The following IQUB variants were observed in gnomAD, a reference collection of about 807,000 sequenced individuals.
IQUB encodes the protein IQ motif and ubiquitin-like domain-containing protein.
In IQUB, 86 loss-of-function variants were observed where a neutral mutation model predicts 86.4. That is an observed-to-expected ratio of 1.00 (90% CI 0.84 to 1.19). The LOEUF (loss-of-function observed/expected upper bound fraction) is 1.19. Ranked by LOEUF, IQUB falls within the 50% of genes most tolerant of loss-of-function variation. IQUB has a pLI of 0.00. For synonymous variants in IQUB, 289 were observed against 304.5 expected, an observed-to-expected ratio of 0.95 and a Z score of 0.53; for missense variants, 946 against 916.9, an observed-to-expected ratio of 1.03 and a Z score of -0.41.
rs1584617437 is a variant in IQUB, at chr7:123,503,257, T to A, written c.639A>T (p.Arg213Ser). 1.9e-6 allele frequency: 3 copies of A among 1,611,440 alleles called. No individual in the cohort carries two copies. Among genetic ancestry groups the A allele is most frequent in the Non-Finnish European group, 2.5e-6 (3 of 1,177,922 alleles). The change falls in exon 4 of 13, where the codon AGA (arginine) becomes AGT (serine). Residue 213 changes from arginine (R) to serine (S), a missense_variant. By Grantham distance (110) the Arg-to-Ser change is moderately radical. Transcript: ENST00000324698. ...FSTNPDLYPVRRIDGLTDVSQ... is the reference protein window; with the variant it reads ...FSTNPDLYPVSRIDGLTDVSQ... ...AGACATCAGTTAATCCATCTATTCT[T>A]CTGACTGGATACAGATCTGGATTTG... is the stretch of plus-strand genomic sequence containing the variant.
intron 3 of IQUB, among the ~76,000 whole-genome samples, chr7:123,507,570 A>G (rs777772274): frequency 1.6e-4 from 24 of 152,124 alleles, no homozygotes; most frequent in Non-Finnish European, 2.6e-4. Flanking sequence ...TTCACACCCT[A>G]AATTCTTCAG....
intron 12 of IQUB, among the ~76,000 whole-genome samples, chr7:123,454,613 A>T (rs1793606617): frequency 6.6e-6 from 1 of 152,096 alleles, no homozygotes; most frequent in African/African-American, 2.4e-5. Flanking sequence ...ATTCTCTTGA[A>T]ATAGCCATGT....
intron 9 of IQUB, 22 bp downstream of exon 9, chr7:123,469,192 A>C (rs778668638): frequency 4.9e-6 from 7 of 1,442,724 alleles, no homozygotes; most frequent in Non-Finnish European, 6.4e-6. Flanking sequence ...TCTACCCCCA[A>C]ACTAAGAGAA....
At chr7:123,473,737 G>C (rs966991809) in intron 8 of IQUB, among the ~76,000 whole-genome samples, 1 of 145,318 alleles carries the variant, frequency 6.9e-6, no homozygotes, top group African/African-American at 2.5e-5. Context: ...CACAATGCCC[G>C]GCTAATTTTT....
chr7:123,504,011 A>T (rs1796064003), intron 3 of IQUB, among the ~76,000 whole-genome samples: 1 of 152,124 alleles, frequency 6.6e-6, no homozygotes, highest in African/African-American at 2.4e-5. Context: ...TCATTCTATT[A>T]AAAAAACGCA....
At chr7:123,522,678 A>C (rs1436380779) in intron 1 of IQUB, among the ~76,000 whole-genome samples, 1 of 152,142 alleles carries the variant, frequency 6.6e-6, no homozygotes, top group Non-Finnish European at 1.5e-5. Context: ...TTACATAATT[A>C]CTCGTTTTAT....
intron 1 of IQUB, among the ~76,000 whole-genome samples, chr7:123,530,822 A>AC (rs1322376868): frequency 2.0e-5 from 3 of 151,304 alleles, no homozygotes; most frequent in Admixed American, 1.3e-4. Context: ...GATTATAGGC[A>AC]CCCCCCACCA....
At chr7:123,524,018 A>ACAG (rs1428080124) in intron 1 of IQUB, among the ~76,000 whole-genome samples, 14 of 150,210 alleles carry the variant, frequency 9.3e-5, no homozygotes, top group African/African-American at 2.7e-4. Context: ...AGTTGTAGAT[A>ACAG]TGCGGCATTA....
At chr7:123,526,508 C>G (rs1401772358) in intron 1 of IQUB, among the ~76,000 whole-genome samples, 2 of 151,978 alleles carry the variant, frequency 1.3e-5, no homozygotes, top group African/African-American at 4.8e-5. Context: ...TTATCAGAGA[C>G]TAGGATTGCA....
intron 12 of IQUB, among the ~76,000 whole-genome samples, chr7:123,455,924 C>T (rs1163224123): frequency 3.3e-5 from 5 of 152,030 alleles, no homozygotes; most frequent in South Asian, 4.1e-4. Context: ...TGTTTTTCCA[C>T]GTTTCCTATA....
At chr7:123,486,263 T>C (rs1795208988) in intron 7 of IQUB, among the ~76,000 whole-genome samples, 1 of 152,154 alleles carries the variant, frequency 6.6e-6, no homozygotes, top group Admixed American at 6.5e-5. Flanking sequence ...ACAGTGATAA[T>C]AATGCTTTCC....
chr7:123,478,839 G>A (rs1193941459), intron 8 of IQUB, among the ~76,000 whole-genome samples: 1 of 152,078 alleles, frequency 6.6e-6, no homozygotes, highest in East Asian at 1.9e-4. Context: ...TAAGGTGATA[G>A]GACTTAGGGT....
Position 123,463,678 on chromosome 7 carries a change from C to CTGAT in IQUB, c.1758+1151_1758+1154dup, listed in dbSNP as rs112834812. Among the ~76,000 whole-genome samples, 1,393 of 151,796 alleles carry CTGAT rather than the reference C, an allele frequency of 9.2e-3. 15 individuals carry two copies. The highest frequency in any genetic ancestry group is 0.048 in the South Asian group (231 of 4,830). The stretch of plus-strand genomic sequence containing the variant: ...TGGCAGCATGAGAGAATTCTGGGGG[C>CTGAT]TGATAGGACCATTTCTTATTTTGAC... On this transcript the variant is annotated intron_variant, in intron 10 of 12. Transcript: ENST00000324698.
chr7:123,527,770 T>C (rs1353988707), intron 1 of IQUB, among the ~76,000 whole-genome samples: 2 of 152,102 alleles, frequency 1.3e-5, no homozygotes, highest in Admixed American at 1.3e-4. Flanking sequence ...GTCTTTTTGT[T>C]TGTCTGTGCC....
chr7:123,469,200 G>T lies in IQUB; in HGVS notation c.1581+14C>A, dbSNP rs771969806. 1 of 1,451,774 alleles carries T rather than the reference G, an allele frequency of 6.9e-7. No individual in the cohort carries two copies. Among genetic ancestry groups the T allele is most frequent in the South Asian group, 1.6e-5 (1 of 61,866 alleles). The allele number at this position is 1,451,774 out of a possible 1,614,324, so 89.9% of individuals were successfully genotyped here. On this transcript the variant is annotated intron_variant, in intron 9 of 12. Coordinates refer to ENST00000324698, the MANE Select transcript of IQUB (RefSeq NM_178827.5). ...AGTGAACTCTACCCCCAAACTAAGAGAAAGTTAACATACCTTTACAGTGTG... is the reference window on the plus strand; with the variant it reads ...AGTGAACTCTACCCCCAAACTAAGATAAAGTTAACATACCTTTACAGTGTG...
chr7:123,533,731 AT>A (rs550514236), intron 1 of IQUB, among the ~76,000 whole-genome samples: 1 of 152,248 alleles, frequency 6.6e-6, no homozygotes, highest in Non-Finnish European at 1.5e-5. Context: ...GTGTAACTAC[AT>A]ATTTGCGTAT....
At position 123,510,017 on chromosome 7, in the gene IQUB, G is replaced by A; in HGVS notation, c.416C>T (p.Pro139Leu). Residue 139 changes from proline (P) to leucine (L), a missense_variant, in exon 3 of 13, where the codon CCA (proline) becomes CTA (leucine). Coordinates refer to ENST00000324698, the MANE Select transcript of IQUB (RefSeq NM_178827.5). The stretch of plus-strand genomic sequence containing the variant: ...AGGTATTACAATTTCCTGGCCCACT[G>A]GAATAAGTACAACTTTTACTGTAAA... ...SLATVKVVLI[P>L]VGQEIVIPFK... 6.4e-7 allele frequency: 1 copy of A among 1,568,878 alleles called. No homozygotes were observed. The highest frequency in any genetic ancestry group is 8.7e-7 in the Non-Finnish European group (1 of 1,149,678).
intron 1 of IQUB, among the ~76,000 whole-genome samples, chr7:123,527,621 C>A (rs1797304142): frequency 6.8e-6 from 1 of 147,328 alleles, no homozygotes; most frequent in African/African-American, 2.7e-5. Context: ...CCCAGTTAGG[C>A]TGCTCGGGGG....
chr7:123,472,200 T>C (rs1794552509), intron 8 of IQUB, among the ~76,000 whole-genome samples: 1 of 147,948 alleles, frequency 6.8e-6, no homozygotes, highest in Non-Finnish European at 1.5e-5. Context: ...TCTGCACCAC[T>C]GCACTCCAGC....
Sources: gnomAD v4.1 joint callset for allele counts (sites outside exome capture counted in the v4.1 genomes callset) on GRCh38, gnomAD v4.1.1 for gene constraint, MANE v1.5 for transcripts, NCBI Gene and HGNC (gene_info 2026-07-23, HGNC 2026-07-21) for gene names.